The following CCDC194 variants were observed in gnomAD, a reference collection of about 807,000 sequenced individuals.
CCDC194 encodes coiled-coil domain-containing protein 194.
Under a neutral mutation model 4.9 loss-of-function variants are expected in CCDC194, and 8 were observed. The observed-to-expected ratio is 1.65, with a 90% CI of 0.97 to 2.97. The LOEUF (loss-of-function observed/expected upper bound fraction) is 2.97, where lower values mean the gene tolerates loss of function less well. CCDC194 is among the 30% of genes most tolerant of loss of function. CCDC194 has a pLI of 0.00. For missense variants in CCDC194, 52 were observed against 43.1 expected, an observed-to-expected ratio of 1.21 and a Z score of -0.58; for synonymous variants, 13 against 17.0, an observed-to-expected ratio of 0.76 and a Z score of 0.58.
At chr19:17,387,987 T>C (rs1288853725), downstream of CCDC194, among the ~76,000 whole-genome samples, 3 of 151,252 alleles carry the variant, frequency 2.0e-5, no homozygotes, top group Non-Finnish European at 4.4e-5. Context: ...CCCAGGTTCA[T>C]GCCATTCTCC....
chr19:17,390,457 C>G (rs1248723992), downstream of CCDC194: 3 of 391,176 alleles, frequency 7.7e-6, no homozygotes, highest in Admixed American at 8.9e-5. This position sits in a 1 kb window ranked among gnomAD's most constrained non-coding sequence, Gnocchi z 5.5. Context: ...CCGCAGACCC[C>G]CCCCCCATAT....
downstream of CCDC194, among the ~76,000 whole-genome samples, chr19:17,390,344 G>A (rs1317046497): frequency 6.6e-6 from 1 of 152,148 alleles, no homozygotes; most frequent in Non-Finnish European, 1.5e-5. This position sits in a 1 kb window ranked among gnomAD's most constrained non-coding sequence, Gnocchi z 5.5. Flanking sequence ...CATGGTGGGG[G>A]AGAGAGGGCT....
exon 2 of CCDC194, chr19:17,391,842 C>T (rs1180539584): frequency 1.3e-6 from 2 of 1,529,616 alleles, no homozygotes; most frequent in Non-Finnish European, 8.7e-7. Flanking sequence ...GGTCTGAAGC[C>T]GGCTCTGAGG....
downstream of CCDC194, among the ~76,000 whole-genome samples, chr19:17,389,073 C>T (rs1259013063): frequency 2.6e-5 from 4 of 152,166 alleles, no homozygotes; most frequent in Non-Finnish European, 5.9e-5. Flanking sequence ...CTCCTGGGCT[C>T]AAGTGATCTT....
chr19:17,387,428 A>C (rs183734970), downstream of CCDC194, among the ~76,000 whole-genome samples: 92 of 151,000 alleles, frequency 6.1e-4, no homozygotes, highest in East Asian at 8.0e-3. Flanking sequence ...CACACACACA[A>C]AAACGGGGGC....
exon 1 of CCDC194, chr19:17,393,982 G>T (rs1013199573): frequency 5.1e-6 from 2 of 393,304 alleles, no homozygotes; most frequent in Non-Finnish European, 9.0e-6. Flanking sequence ...GCGGGTCCCC[G>T]GGCGGCGCCG....
At chr19:17,391,137 T>A (rs982338222) in intron 3 of CCDC194, 74 bp downstream of exon 3, 2 of 354,020 alleles carry the variant, frequency 5.6e-6, no homozygotes, top group Middle Eastern at 7.4e-4. Flanking sequence ...GCCGAAAGAA[T>A]GCAGCCCTGC....
intron 1 of CCDC194, 27 bp from the exon 2 acceptor site, chr19:17,391,873 G>C: frequency 1.4e-6 from 2 of 1,478,386 alleles, no homozygotes; most frequent in Non-Finnish European, 1.8e-6. Flanking sequence ...AAGTGGGAGG[G>C]GGTGTAGGCA....
chr19:17,390,038 T>A (rs1208053226), downstream of CCDC194, among the ~76,000 whole-genome samples: 1 of 152,202 alleles, frequency 6.6e-6, no homozygotes, highest in Non-Finnish European at 1.5e-5. The surrounding 1 kb of genome is among the most constrained non-coding windows in gnomAD (Gnocchi z 5.5). Flanking sequence ...TGTACCCTTC[T>A]CACAGGGTTA....
At chr19:17,390,396 G>A (rs1014249855), downstream of CCDC194, 1 of 382,846 alleles carries the variant, frequency 2.6e-6, no homozygotes. This position sits in a 1 kb window ranked among gnomAD's most constrained non-coding sequence, Gnocchi z 5.5. Context: ...ACGTCTCCAG[G>A]GTCTAAAGCT....
intron 3 of CCDC194, 27 bp downstream of exon 3, chr19:17,391,184 C>T (rs955793995): frequency 2.5e-6 from 1 of 397,346 alleles, no homozygotes; most frequent in African/African-American, 2.1e-5. Context: ...CCATCCGACC[C>T]CGCCCTCGGG....
intron 1 of CCDC194, among the ~76,000 whole-genome samples, chr19:17,392,670 T>A (rs1244577920): frequency 6.6e-6 from 1 of 152,206 alleles, no homozygotes; most frequent in Non-Finnish European, 1.5e-5. Context: ...TAACCTCGAC[T>A]GCCCCAGTCC....
At chr19:17,393,712 C>T (rs8112017) in intron 1 of CCDC194, 123 bp downstream of exon 1, 302,904 of 390,002 alleles carry the variant, frequency 0.78, 123,240 homozygotes, top group Non-Finnish European at 0.88. Flanking sequence ...TCTCAATACC[C>T]TCTCAATTCG....
downstream of CCDC194, among the ~76,000 whole-genome samples, chr19:17,389,695 G>A (rs901823874): frequency 1.3e-5 from 2 of 152,308 alleles, no homozygotes; most frequent in East Asian, 1.9e-4. Context: ...GCTGGGAGCG[G>A]TGGCTCACAC....
At chr19:17,387,297 G>A (rs2074639313), downstream of CCDC194, among the ~76,000 whole-genome samples, 1 of 152,124 alleles carries the variant, frequency 6.6e-6, no homozygotes, top group Non-Finnish European at 1.5e-5. Flanking sequence ...AGAGAAATGT[G>A]CAAGTATGTC....
chr19:17,388,986 A>C (rs1008441269), downstream of CCDC194, among the ~76,000 whole-genome samples: 1 of 151,982 alleles, frequency 6.6e-6, no homozygotes, highest in African/African-American at 2.4e-5. Context: ...CTACAGATGC[A>C]TGTCACCATG....
intron 3 of CCDC194, 67 bp downstream of exon 3, chr19:17,391,144 C>T: frequency 5.6e-6 from 2 of 357,648 alleles, no homozygotes; most frequent in East Asian, 4.0e-5. Flanking sequence ...GAATGCAGCC[C>T]TGCGCAAGCA....
chr19:17,387,724 G>GA (rs1281227644), downstream of CCDC194, among the ~76,000 whole-genome samples: 5 of 148,702 alleles, frequency 3.4e-5, no homozygotes, highest in South Asian at 4.3e-4. Flanking sequence ...ATCTCAAAAA[G>GA]AAAAAAAAAG....
downstream of CCDC194, among the ~76,000 whole-genome samples, chr19:17,390,305 G>A (rs1283669158): frequency 6.6e-6 from 1 of 152,170 alleles, no homozygotes; most frequent in African/African-American, 2.4e-5. This position sits in a 1 kb window ranked among gnomAD's most constrained non-coding sequence, Gnocchi z 5.5. Flanking sequence ...TTGGGCCTCA[G>A]TTTCCCTGTC....
Sources: gnomAD v4.1 joint callset for allele counts (sites outside exome capture counted in the v4.1 genomes callset) on GRCh38, gnomAD v4.1.1 for gene constraint, Gnocchi (gnomAD v3.1) non-coding constraint, MANE v1.5 for transcripts, NCBI Gene and HGNC (gene_info 2026-07-23, HGNC 2026-07-21) for gene names.